Variants in SEC24B observed in about 807,000 individuals in gnomAD.
SEC24B encodes the protein protein transport protein Sec24B.
SEC24B carries 45 observed loss-of-function variants against 142.8 expected under a neutral mutation model. The observed-to-expected ratio is 0.32, with a 90% CI of 0.25 to 0.40. The LOEUF is 0.40. Ranked by LOEUF, SEC24B falls within the 10% of genes least tolerant of loss-of-function variation. The probability of loss-of-function intolerance (pLI) is 1.00; values close to 1 mark genes in which losing one functional copy is unlikely to be tolerated. For missense variants in SEC24B, 1,409 were observed against 1,526.8 expected, an observed-to-expected ratio of 0.92 and a Z score of 1.29; for synonymous variants, 574 against 568.2, an observed-to-expected ratio of 1.01 and a Z score of -0.15.
At chr4:109,503,184 C>T (rs1486277139) in intron 6 of SEC24B, among the ~76,000 whole-genome samples, 12 of 151,056 alleles carry the variant, frequency 7.9e-5, no homozygotes, top group Admixed American at 2.6e-4. Flanking sequence ...CTCAGACTCC[C>T]GAGTAGCTGG....
chr4:109,507,663 G>A (rs1026102834), intron 7 of SEC24B, among the ~76,000 whole-genome samples: 1 of 148,506 alleles, frequency 6.7e-6, no homozygotes, highest in Non-Finnish European at 1.5e-5. Context: ...TTTTATTTTT[G>A]AGACGGAGTT....
At chr4:109,460,881 T>G (rs966682061) in intron 1 of SEC24B, among the ~76,000 whole-genome samples, 3 of 151,626 alleles carry the variant, frequency 2.0e-5, no homozygotes, top group Non-Finnish European at 4.4e-5. Context: ...AACACTAGAG[T>G]AAAACATGGT....
intron 7 of SEC24B, among the ~76,000 whole-genome samples, chr4:109,509,542 TG>T (rs1737077056): frequency 6.6e-6 from 1 of 151,958 alleles, no homozygotes. Context: ...CTGGGCATGG[TG>T]GCAAGCGCCT....
At chr4:109,497,807 A>G (rs1300084788) in intron 6 of SEC24B, among the ~76,000 whole-genome samples, 1 of 152,134 alleles carries the variant, frequency 6.6e-6, no homozygotes, top group African/African-American at 2.4e-5. Flanking sequence ...GAGTGTATAT[A>G]TCTAGGAATG....
At chr4:109,513,931 C>T in intron 10 of SEC24B, 75 bp downstream of exon 10, 1 of 941,152 alleles carries the variant, frequency 1.1e-6, no homozygotes, top group South Asian at 1.4e-5. Flanking sequence ...TAAGTGAACT[C>T]TTATCGAGAT....
chr4:109,437,006 G>T (rs1728468367), intron 1 of SEC24B, among the ~76,000 whole-genome samples: 1 of 152,232 alleles, frequency 6.6e-6, no homozygotes, highest in Non-Finnish European at 1.5e-5. Flanking sequence ...GGAGGGGGTA[G>T]TAGAAACTCC....
At chr4:109,466,106 T>G (rs1467628234) in intron 2 of SEC24B, among the ~76,000 whole-genome samples, 3 of 152,162 alleles carry the variant, frequency 2.0e-5, no homozygotes, top group Non-Finnish European at 4.4e-5. Flanking sequence ...ATTGCCAAAG[T>G]TCCCAAACTT....
intron 13 of SEC24B, 117 bp from the exon 14 acceptor site, chr4:109,521,303 C>A (rs1428341876): frequency 2.0e-6 from 2 of 991,676 alleles, no homozygotes; most frequent in South Asian, 1.5e-5. Context: ...TATCTATTGA[C>A]TCCTCAGTTT....
At position 109,463,572 on chromosome 4, in the gene SEC24B, T is replaced by C; in HGVS notation, c.805T>C (p.Ser269Pro). 2 of 1,614,154 alleles carry C rather than the reference T, an allele frequency of 1.2e-6. No individual in the cohort carries two copies. Among genetic ancestry groups the C allele is most frequent in the Non-Finnish European group, 8.5e-7 (1 of 1,180,038 alleles). Residue 269 changes from serine (S) to proline (P), a missense_variant, in exon 2 of 24, where the codon TCG (serine) becomes CCG (proline). Physicochemically the swap from Ser to Pro is moderately conservative, Grantham distance 74. Around this residue, in one of 2 missense-constraint regions of SEC24B, gnomAD observed 709 missense variants for 673.5 expected, o/e 1.05. Transcript: ENST00000265175. ...TLTWSSPGLP[S>P]TQDNLIRNHT... ...AACGTGGTCATCTCCAGGCCTTCCA[T>C]CGACTCAAGACAATCTCATCCGAAA... is the stretch of plus-strand genomic sequence containing the variant.
chr4:109,500,235 C>T (rs1004778779), intron 6 of SEC24B, among the ~76,000 whole-genome samples: 9 of 152,214 alleles, frequency 5.9e-5, no homozygotes, highest in South Asian at 2.1e-4. Flanking sequence ...AAAGTCATTG[C>T]GGTTCTTGCC....
intron 9 of SEC24B, 43 bp downstream of exon 9, chr4:109,512,126 GT>G (rs35283007): frequency 7.8e-3 from 10,059 of 1,282,768 alleles, no homozygotes; most frequent in South Asian, 0.012. Flanking sequence ...CTATTTTCAG[GT>G]TTTTTTTTTT....
In SEC24B at chr4:109,440,115, C is replaced by T. The variant is rs572604908; in HGVS notation, c.133+6113C>T. On this transcript the variant is annotated intron_variant, in intron 1 of 23. Transcript: ENST00000265175. The stretch of plus-strand genomic sequence containing the variant: ...AGCCTGGGGGACAAGAGCGAGACTT[C>T]GTCGCAAAAAAAAAAAAAAGATCTT... Among the ~76,000 whole-genome samples the T allele has an allele frequency of 3.3e-4, 49 of 146,746 alleles. 2 individuals carry two copies. In the South Asian group the frequency reaches 9.9e-3, roughly 30 times the overall value.
chr4:109,474,377 CT>C (rs1012617645), intron 3 of SEC24B, among the ~76,000 whole-genome samples: 6 of 149,966 alleles, frequency 4.0e-5, no homozygotes, highest in African/African-American at 1.2e-4. Context: ...AAATGTTTCG[CT>C]TTTTTTGGCC....
At position 109,498,768 on chromosome 4, in the gene SEC24B, T is replaced by G. The variant is rs1304291433; in HGVS notation, c.1488+3912T>G. On this transcript the variant is annotated intron_variant, in intron 6 of 23. Coordinates refer to ENST00000265175, the MANE Select transcript of SEC24B (RefSeq NM_006323.5). ...AAATGCCTTTAAATGTTGTACCTAA[T>G]GTAGTGCAATGAAAGAGCTCTGTGT... 5.3e-5 allele frequency among the ~76,000 whole-genome samples: 8 copies of G among 152,162 alleles called. No homozygotes were observed. In the East Asian group the frequency reaches 1.3e-3, roughly 26 times the overall value.
chr4:109,534,220 G>C (rs1199927637), intron 22 of SEC24B, among the ~76,000 whole-genome samples: 1 of 151,334 alleles, frequency 6.6e-6, no homozygotes, highest in Non-Finnish European at 1.5e-5. Context: ...CTTTCAAATG[G>C]ATCAAACATT....
At chr4:109,537,645 C>A (rs1442512811) in intron 22 of SEC24B, among the ~76,000 whole-genome samples, 1 of 151,906 alleles carries the variant, frequency 6.6e-6, no homozygotes, top group Non-Finnish European at 1.5e-5. Flanking sequence ...CTAGCAAGAC[C>A]CCATCTCTTA....
intron 21 of SEC24B, 81 bp downstream of exon 21, chr4:109,532,824 T>A (rs539973176): frequency 1.5e-6 from 1 of 686,494 alleles, no homozygotes; most frequent in Non-Finnish European, 2.6e-6. Context: ...CCAGCTGTTA[T>A]CACAGAGCAA....
rs75194831 is a variant in SEC24B at position 109,481,110 on chromosome 4, C to G, written c.1061-567C>G. Among the ~76,000 whole-genome samples the G allele has an allele frequency of 5.3e-3, 806 of 152,152 alleles. 35 individuals are homozygous for G. The South Asian group carries it at 0.079, about 15-fold the overall frequency. On this transcript the variant is annotated intron_variant, in intron 3 of 23. Transcript: ENST00000265175. ...GGTCACAGATAATAAGTCCCCCAGC[C>G]CCCCGTCCCCCACTCCCAGAGTATC...
rs1388032536 is a variant in SEC24B, at chr4:109,539,707, A to G, written c.*32A>G. On this transcript the variant is annotated 3_prime_UTR_variant, in exon 24 of 24. Transcript: ENST00000265175. Reference sequence around the variant, plus strand: ...ATAAAATTGAATAAGAAAAAGATCTATAACCTAGGTAAAGCATAATCTGTC... The same window carrying G: ...ATAAAATTGAATAAGAAAAAGATCTGTAACCTAGGTAAAGCATAATCTGTC... 5.8e-6 allele frequency: 8 copies of G among 1,388,824 alleles called. No individual in the cohort carries two copies. Among genetic ancestry groups the G allele is most frequent in the South Asian group, 2.4e-5 (2 of 84,762 alleles). The allele number at this position is 1,388,824 out of a possible 1,614,324, so 86.0% of individuals were successfully genotyped here. A position where few individuals can be genotyped will look rare whatever the true frequency, so the allele number is the denominator to read the frequency against.
Sources: gnomAD v4.1 joint callset for allele counts (sites outside exome capture counted in the v4.1 genomes callset) on GRCh38, gnomAD v4.1.1 for gene constraint, gnomAD v4.1.1 regional missense constraint, MANE v1.5 for transcripts, NCBI Gene and HGNC (gene_info 2026-07-23, HGNC 2026-07-21) for gene names.